The following PFKFB3 variants were observed in gnomAD, a reference collection of about 807,000 sequenced individuals.
PFKFB3 encodes 6-phosphofructo-2-kinase/fructose-2,6-bisphosphatase 3.
Under a neutral mutation model 68.0 loss-of-function variants are expected in PFKFB3, and 33 were observed. The observed-to-expected ratio is 0.49, with a 90% CI of 0.37 to 0.65. The LOEUF is 0.65. Among genes scored for constraint, PFKFB3 ranks in the 30% least tolerant of loss-of-function variants. PFKFB3 has a pLI of 0.00. For synonymous variants in PFKFB3, 315 were observed against 288.2 expected, an observed-to-expected ratio of 1.09 and a Z score of -0.94; for missense variants, 586 against 712.2, an observed-to-expected ratio of 0.82 and a Z score of 2.02.
chr10:6,219,206 G>A (rs139888612), intron 6 of PFKFB3, among the ~76,000 whole-genome samples: 2,012 of 152,370 alleles, frequency 0.013, 53 homozygotes, highest in African/African-American at 0.046. Flanking sequence ...GGCACGGGGA[G>A]CATTGCGGAT....
chr10:6,212,039 C>T (rs1844264293), intron 1 of PFKFB3, among the ~76,000 whole-genome samples: 2 of 152,268 alleles, frequency 1.3e-5, no homozygotes. Flanking sequence ...GCCTGCTCAG[C>T]TCGGACATCA....
At chr10:6,259,966 C>T in the PFKFB3 span, among the ~76,000 whole-genome samples, 16 of 152,192 alleles carry the variant, frequency 1.1e-4, 2 homozygotes, top group Admixed American at 6.6e-4. Flanking sequence ...TCATTTAATT[C>T]TAATTCTAAT....
chr10:6,164,402 G>C (rs1473273703), intron 1 of PFKFB3, among the ~76,000 whole-genome samples: 1 of 152,214 alleles, frequency 6.6e-6, no homozygotes, highest in African/African-American at 2.4e-5. Context: ...CAGGAGGCAT[G>C]GTTGAAGAAT....
rs1845939799 is a variant in PFKFB3 at position 6,234,833 on chromosome 10, T to A, written c.*1891T>A. 1.3e-5 allele frequency: 2 copies of A among 152,266 alleles called. No individual in the cohort carries two copies. The highest frequency in any genetic ancestry group is 2.9e-5 in the Non-Finnish European group (2 of 68,050). 9.4% of individuals were successfully genotyped at this position (152,266 alleles called of 1,614,324 possible). A position where few individuals can be genotyped will look rare whatever the true frequency, so the allele number is the denominator to read the frequency against. ...TTGATAGCTGTGGTCCCCTCTCCCC[T>A]CTGACTACCTAAAATCAATACCTAA... On this transcript the variant is annotated 3_prime_UTR_variant, in exon 15 of 15. Coordinates refer to ENST00000379775, the MANE Select transcript of PFKFB3 (RefSeq NM_004566.4).
intron 1 of PFKFB3, among the ~76,000 whole-genome samples, chr10:6,158,237 C>T (rs928949873): frequency 2.6e-5 from 4 of 151,620 alleles, no homozygotes; most frequent in African/African-American, 7.3e-5. Flanking sequence ...TGCAGTGAGC[C>T]GAGATTGCGC....
Position 6,228,526 on chromosome 10 carries a change from C to G in PFKFB3, c.1515+2161C>G, listed in dbSNP as rs769537035. 1.3e-5 allele frequency among the ~76,000 whole-genome samples: 2 copies of G among 152,014 alleles called. No individual in the cohort carries two copies. The highest frequency in any genetic ancestry group is 4.8e-5 in the African/African-American group (2 of 41,372). ...TGTGTAATGGCCGTGGTTTAGGGCTCGGCATAAATCCACATTTCCTTATCA... is the reference window on the plus strand; with the variant it reads ...TGTGTAATGGCCGTGGTTTAGGGCTGGGCATAAATCCACATTTCCTTATCA... On this transcript the variant is annotated intron_variant, in intron 14 of 14. Coordinates refer to ENST00000379775, the MANE Select transcript of PFKFB3 (RefSeq NM_004566.4). This position sits in a 1 kb window ranked among gnomAD's most constrained non-coding sequence, Gnocchi z 4.5.
chr10:6,195,946 C>T (rs1843164681), intron 1 of PFKFB3, among the ~76,000 whole-genome samples: 1 of 152,156 alleles, frequency 6.6e-6, no homozygotes, highest in African/African-American at 2.4e-5. Flanking sequence ...TCTTTTTCTA[C>T]TCTACCCCTC....
intron 1 of PFKFB3, among the ~76,000 whole-genome samples, chr10:6,157,463 TG>T (rs1315918967): frequency 2.0e-5 from 3 of 152,144 alleles, no homozygotes; most frequent in Non-Finnish European, 4.4e-5. Flanking sequence ...CCTGACCTCG[TG>T]ATCCGCCCGC....
chr10:6,220,517 A>G lies in PFKFB3; in HGVS notation c.624-141A>G. The G allele has an allele frequency of 1.4e-6, 1 of 701,882 alleles. No individual in the cohort carries two copies. Among genetic ancestry groups the G allele is most frequent in the East Asian group, 2.6e-5 (1 of 37,872 alleles). The allele number at this position is 701,882 out of a possible 1,614,324, so 43.5% of individuals were successfully genotyped here. Reference sequence around the variant, plus strand: ...GTCTTACGCATATGCTCTGCCCCTTAGAAGGATTCAGTCTGTGCCCTGGAG... The same window carrying G: ...GTCTTACGCATATGCTCTGCCCCTTGGAAGGATTCAGTCTGTGCCCTGGAG... On this transcript the variant is annotated intron_variant, in intron 7 of 14. Coordinates refer to ENST00000379775, the MANE Select transcript of PFKFB3 (RefSeq NM_004566.4). This position sits in a 1 kb window ranked among gnomAD's most constrained non-coding sequence, Gnocchi z 4.1.
At chr10:6,240,334 G>A (rs777883876), downstream of PFKFB3, among the ~76,000 whole-genome samples, 7 of 152,086 alleles carry the variant, frequency 4.6e-5, no homozygotes, top group African/African-American at 1.4e-4. Flanking sequence ...GCACTATCTC[G>A]GCTCACTGGA....
At chr10:6,183,612 AAAATATAT>A (rs1564604026) in intron 1 of PFKFB3, among the ~76,000 whole-genome samples, 1 of 55,230 alleles carries the variant, frequency 1.8e-5, no homozygotes, top group Non-Finnish European at 3.7e-5. Context: ...AAAAAAAAAA[AAAATATAT>A]ATATATATAT....
At chr10:6,156,485 A>AAATT (rs55858641) in intron 1 of PFKFB3, among the ~76,000 whole-genome samples, 42,032 of 149,128 alleles carry the variant, frequency 0.28, 6,619 homozygotes, top group East Asian at 0.63. Context: ...ACTTTAAATT[A>AAATT]AATTAATTAA....
chr10:6,263,565 C>T, the PFKFB3 span, among the ~76,000 whole-genome samples: 4 of 152,202 alleles, frequency 2.6e-5, no homozygotes, highest in African/African-American at 9.7e-5. Context: ...CTAGCAGCTC[C>T]TATTGCAAAT....
intron 10 of PFKFB3, among the ~76,000 whole-genome samples, chr10:6,221,970 A>G (rs1014398992): frequency 1.3e-5 from 2 of 152,184 alleles, no homozygotes; most frequent in Non-Finnish European, 2.9e-5. Flanking sequence ...ACATAGAACT[A>G]TATGGGAGAG....
the PFKFB3 span, among the ~76,000 whole-genome samples, chr10:6,290,499 A>AAT: frequency 1.5e-5 from 2 of 135,918 alleles, no homozygotes; most frequent in African/African-American, 5.5e-5. Context: ...TTTGTCTTTG[A>AAT]TTTTTTTTTT....
In PFKFB3 at chr10:6,159,927, G is replaced by GT. The variant is rs1191614817; in HGVS notation, c.16+14925dup. Among the ~76,000 whole-genome samples, 1,256 of 144,102 alleles carry GT rather than the reference G, an allele frequency of 8.7e-3. 15 individuals are homozygous for GT. The highest frequency in any genetic ancestry group is 0.026 in the African/African-American group (1,042 of 39,476). The allele number at this position is 144,102 out of a possible 152,430, so 94.5% of individuals were successfully genotyped here. On this transcript the variant is annotated intron_variant, in intron 1 of 14. Coordinates refer to the PFKFB3 transcript ENST00000379789. ...GTGTGTGCCACCATGCCTGGCTATTGTTTTTTTTTTTAATAGAGACGAGGT... is the reference window on the plus strand; with the variant it reads ...GTGTGTGCCACCATGCCTGGCTATTGTTTTTTTTTTTTAATAGAGACGAGGT...
the PFKFB3 span, among the ~76,000 whole-genome samples, chr10:6,262,156 G>A: frequency 1.3e-5 from 2 of 151,676 alleles, no homozygotes; most frequent in Admixed American, 1.3e-4. Context: ...TAAAATAAAA[G>A]TAAAAACAAA....
chr10:6,171,481 A>T (rs1404028132), intron 1 of PFKFB3, among the ~76,000 whole-genome samples: 1 of 149,282 alleles, frequency 6.7e-6, no homozygotes, highest in Non-Finnish European at 1.5e-5. Context: ...CTGCAGTCTC[A>T]ACCTCCTGGG....
intron 1 of PFKFB3, among the ~76,000 whole-genome samples, chr10:6,171,173 G>A (rs564859533): frequency 8.2e-4 from 124 of 151,850 alleles, no homozygotes; most frequent in African/African-American, 2.7e-3. Context: ...CCAGCCTCCC[G>A]AGTAGCTGGG....
Sources: allele counts gnomAD v4.1 joint callset (sites outside exome capture counted in the v4.1 genomes callset), GRCh38; gene constraint gnomAD v4.1.1; non-coding constraint Gnocchi (gnomAD v3.1); transcripts MANE v1.5; gene names NCBI Gene and HGNC (gene_info 2026-07-23, HGNC 2026-07-21).